KANK1: variants seen among roughly 807,000 people sequenced by gnomAD.
The protein encoded by KANK1 is KN motif and ankyrin repeat domains 1.
A neutral mutation model predicts 106.2 loss-of-function variants in KANK1; 109 were observed. The ratio of observed to expected loss-of-function variants is 1.03; its 90% CI spans 0.88 to 1.20. The LOEUF (loss-of-function observed/expected upper bound fraction) is 1.20. KANK1 is among the 50% of genes most tolerant of loss of function. KANK1 has a pLI of 0.00. For missense variants in KANK1, 2,399 were observed against 1,710.7 expected, an observed-to-expected ratio of 1.40 and a Z score of -7.10; for synonymous variants, 873 against 652.2, an observed-to-expected ratio of 1.34 and a Z score of -5.16.
intron 1 of KANK1, among the ~76,000 whole-genome samples, chr9:588,273 A>G (rs1824001469): frequency 6.6e-6 from 1 of 152,158 alleles, no homozygotes; most frequent in Admixed American, 6.5e-5. Context: ...TTATATGGAA[A>G]TGTAATGGTT....
At chr9:649,480 TTAC>T (rs1383540156) in intron 1 of KANK1, among the ~76,000 whole-genome samples, 2 of 152,190 alleles carry the variant, frequency 1.3e-5, no homozygotes, top group Non-Finnish European at 1.5e-5. Flanking sequence ...CTGAGCTGAT[TTAC>T]AGAGTGTGGA....
chr9:586,308 C>T (rs1342094635), intron 1 of KANK1, among the ~76,000 whole-genome samples: 1 of 152,120 alleles, frequency 6.6e-6, no homozygotes, highest in African/African-American at 2.4e-5. Context: ...CAGGCCTATT[C>T]AAGGTTACAG....
chr9:607,344 G>T (rs1588197455), intron 1 of KANK1, among the ~76,000 whole-genome samples: 1 of 151,592 alleles, frequency 6.6e-6, no homozygotes, highest in Non-Finnish European at 1.5e-5. Context: ...AAATTAGCTG[G>T]TGTGGCGACG....
Position 718,634 on chromosome 9 carries a change from T to C in KANK1, c.2698+5170T>C, listed in dbSNP as rs557567541. On this transcript the variant is annotated intron_variant, in intron 3 of 11. Coordinates refer to ENST00000382297, the MANE Select transcript of KANK1 (RefSeq NM_015158.5). ...CACTGTATCATTTTAGAAAGGGAGA[T>C]TGTGGACTTCCATGGCCTCCTGTGT... Among the ~76,000 whole-genome samples the C allele has an allele frequency of 2.2e-4, 33 of 151,988 alleles. No individual in the cohort carries two copies. The East Asian group carries it at 5.2e-3, about 24-fold the overall frequency.
At chr9:666,823 T>G (rs113219483) in intron 1 of KANK1, among the ~76,000 whole-genome samples, 47 of 152,168 alleles carry the variant, frequency 3.1e-4, no homozygotes, top group African/African-American at 1.0e-3. Flanking sequence ...TTTAATATCT[T>G]GCTGAATTCA....
chr9:733,263 C>G (rs1832806380), intron 6 of KANK1: 1 of 152,180 alleles, frequency 6.6e-6, no homozygotes, highest in Admixed American at 6.5e-5. Context: ...AAGGTGGAAA[C>G]TTCAGTATGG....
At chr9:536,873 G>T (rs1409268860) in intron 1 of KANK1, among the ~76,000 whole-genome samples, 1 of 152,152 alleles carries the variant, frequency 6.6e-6, no homozygotes, top group Admixed American at 6.5e-5. Context: ...TTCGCAGTCG[G>T]CACCCCTTTA....
chr9:588,248 C>G (rs572790565), intron 1 of KANK1, among the ~76,000 whole-genome samples: 5 of 152,100 alleles, frequency 3.3e-5, no homozygotes, highest in Admixed American at 6.5e-5. Context: ...TTTTAAATGA[C>G]AGCATAGTAT....
At chr9:621,064 C>T (rs1833034350) in intron 1 of KANK1, among the ~76,000 whole-genome samples, 1 of 152,022 alleles carries the variant, frequency 6.6e-6, no homozygotes, top group Non-Finnish European at 1.5e-5. Flanking sequence ...TTCAGAATGC[C>T]CAGTACTAGA....
In KANK1 at chr9:745,421, T is replaced by G; in HGVS notation, c.*186T>G. ...TGCTAGCCTGGGCACACACACCTCC[T>G]TTCTGGCCGTCTTCTGTGTAGGGCA... On this transcript the variant is annotated 3_prime_UTR_variant, in exon 12 of 12. Coordinates refer to ENST00000382297, the MANE Select transcript of KANK1 (RefSeq NM_015158.5). The G allele has an allele frequency of 3.3e-6, 2 of 602,800 alleles. No individual in the cohort carries two copies. The highest frequency in any genetic ancestry group is 5.8e-6 in the Non-Finnish European group (2 of 345,682). 37.3% of individuals were successfully genotyped at this position (602,800 alleles called of 1,614,324 possible).
chr9:712,463 T>A lies in KANK1; in HGVS notation c.1697T>A (p.Met566Lys), dbSNP rs370358304. 4.3e-6 allele frequency: 7 copies of A among 1,614,114 alleles called. No individual in the cohort carries two copies. In the South Asian group the frequency reaches 7.7e-5, roughly 18 times the overall value. The change falls in exon 3 of 12, where the codon ATG (methionine) becomes AAG (lysine). Residue 566 changes from methionine (M) to lysine (K), a missense_variant. Coordinates refer to ENST00000382297, the MANE Select transcript of KANK1 (RefSeq NM_015158.5). The part of the protein sequence containing the change: ...KNKVVGPELP[M>K]NWWIVKERVE... The stretch of plus-strand genomic sequence containing the variant: ...AAAGTCGTAGGGCCTGAGCTGCCTA[T>A]GAATTGGTGGATTGTTAAGGAGAGG...
chr9:591,858 C>A (rs758130769), intron 1 of KANK1, among the ~76,000 whole-genome samples: 1 of 151,646 alleles, frequency 6.6e-6, no homozygotes, highest in Non-Finnish European at 1.5e-5. Context: ...GGGGTTTCAC[C>A]GTGTTAGCCA....
intron 3 of KANK1, among the ~76,000 whole-genome samples, chr9:487,021 C>A (rs772955646): frequency 7.9e-5 from 12 of 152,056 alleles, no homozygotes; most frequent in Non-Finnish European, 1.6e-4. Flanking sequence ...TTTATATCAG[C>A]CAACTGACAA....
intron 1 of KANK1, among the ~76,000 whole-genome samples, chr9:563,304 G>C (rs1434794207): frequency 6.6e-6 from 1 of 151,898 alleles, no homozygotes; most frequent in East Asian, 1.9e-4. Flanking sequence ...CGGCAACTTT[G>C]TCTATTTTTC....
chr9:573,777 A>C (rs761383308), intron 1 of KANK1, among the ~76,000 whole-genome samples: 1 of 151,794 alleles, frequency 6.6e-6, no homozygotes, highest in Non-Finnish European at 1.5e-5. Context: ...GTGAAAAGAC[A>C]GGAATTACTT....
Position 639,083 on chromosome 9 carries a change from C to G in KANK1, c.-83-37807C>G, listed in dbSNP as rs571717056. Among the ~76,000 whole-genome samples the G allele has an allele frequency of 1.2e-4, 19 of 152,252 alleles. No homozygotes were observed. In the South Asian group the frequency reaches 3.5e-3, roughly 28 times the overall value. ...TTCCTACAGGAGTCCCATAAAAACA[C>G]TCTTAGGACATGCTTTCCCCCCACA... On this transcript the variant is annotated intron_variant, in intron 1 of 11. Coordinates refer to ENST00000382297, the MANE Select transcript of KANK1 (RefSeq NM_015158.5).
In KANK1 at chr9:549,121, G is replaced by T. The variant is rs2061115088; in HGVS notation, c.-84+44367G>T. ...TTCTTCCACAGAAAAACAGGACAAA[G>T]AAACCTGTGTGAATTTTCAGCTTTT... is the stretch of plus-strand genomic sequence containing the variant. On this transcript the variant is annotated intron_variant, in intron 1 of 11. Transcript: ENST00000382297. 2.0e-5 allele frequency: 3 copies of T among 150,702 alleles called. No individual in the cohort carries two copies. In the South Asian group the frequency reaches 6.3e-4, roughly 32 times the overall value. 9.3% of individuals were successfully genotyped at this position (150,702 alleles called of 1,614,324 possible). A position where few individuals can be genotyped will look rare whatever the true frequency, so the allele number is the denominator to read the frequency against.
intron 3 of KANK1, among the ~76,000 whole-genome samples, chr9:725,540 A>G (rs920663921): frequency 1.3e-5 from 2 of 151,496 alleles, no homozygotes; most frequent in African/African-American, 2.4e-5. Flanking sequence ...AATGCCTTAC[A>G]TTGAATTTTT....
At chr9:639,375 G>A (rs967105367) in intron 1 of KANK1, among the ~76,000 whole-genome samples, 1 of 151,726 alleles carries the variant, frequency 6.6e-6, no homozygotes, top group Admixed American at 6.6e-5. Flanking sequence ...ACCCGGGCTA[G>A]AGTGCAGTGG....
Sources: gnomAD v4.1 joint callset for allele counts (sites outside exome capture counted in the v4.1 genomes callset) on GRCh38, gnomAD v4.1.1 for gene constraint, MANE v1.5 for transcripts, NCBI Gene and HGNC (gene_info 2026-07-23, HGNC 2026-07-21) for gene names.